SCN9A: variants seen among roughly 807,000 people sequenced by gnomAD.
SCN9A encodes sodium channel protein type 9 subunit alpha.
In SCN9A, 131 loss-of-function variants were observed where a neutral mutation model predicts 187.0. The ratio of observed to expected loss-of-function variants is 0.70; its 90% CI spans 0.61 to 0.81. The LOEUF (loss-of-function observed/expected upper bound fraction) is 0.81, where lower values mean the gene tolerates loss of function less well. SCN9A is among the 30% of genes least tolerant of loss of function. The pLI, the probability that SCN9A is intolerant of heterozygous loss-of-function variation, is 0.00. For synonymous variants in SCN9A, 809 were observed against 808.6 expected, an observed-to-expected ratio of 1.00 and a Z score of -0.01; for missense variants, 2,252 against 2,396.6, an observed-to-expected ratio of 0.94 and a Z score of 1.26.
chr2:166,209,945 TC>T (rs1253681591), intron 24 of SCN9A, among the ~76,000 whole-genome samples: 3 of 152,134 alleles, frequency 2.0e-5, no homozygotes, highest in Non-Finnish European at 4.4e-5. Context: ...GACCCAGCCA[TC>T]CCATGACTGG....
intron 18 of SCN9A, among the ~76,000 whole-genome samples, chr2:166,244,083 A>G (rs1459689169): frequency 6.6e-6 from 1 of 151,972 alleles, no homozygotes; most frequent in Non-Finnish European, 1.5e-5. Flanking sequence ...TGAATTGAAA[A>G]CCACAGGAGG....
intron 10 of SCN9A, among the ~76,000 whole-genome samples, chr2:166,287,307 G>A (rs1056363864): frequency 6.6e-6 from 1 of 151,820 alleles, no homozygotes; most frequent in Non-Finnish European, 1.5e-5. Context: ...TTATATGTAT[G>A]TATAATTTTA....
At position 166,228,832 on chromosome 2, in the gene SCN9A, A is replaced by G. The variant is rs765895310; in HGVS notation, c.4065T>C (p.Asp1355=). The G allele has an allele frequency of 1.2e-6, 2 of 1,613,982 alleles. No individual in the cohort carries two copies. Among genetic ancestry groups the G allele is most frequent in the East Asian group, 4.5e-5 (2 of 44,872 alleles). ...GKFYECINTT[D]GSRFPASQVP... is the part of the protein sequence containing the mutation. ...CTTGACTTGCAGGAAACCGTGACCCATCTGTGGTGTTAATACACTCATAGA... is the reference window on the plus strand; with the variant it reads ...CTTGACTTGCAGGAAACCGTGACCCGTCTGTGGTGTTAATACACTCATAGA... Residue 1355 remains aspartate, a synonymous_variant, in exon 22 of 27, where the codon GAT becomes GAC. Coordinates refer to ENST00000642356, the MANE Select transcript of SCN9A (RefSeq NM_001365536.1).
chr2:166,267,625 A>C (rs1042327405), intron 17 of SCN9A, among the ~76,000 whole-genome samples: 3 of 151,916 alleles, frequency 2.0e-5, no homozygotes, highest in African/African-American at 7.2e-5. Flanking sequence ...ATAATTTAAG[A>C]AGAATTAGTA....
intron 1 of SCN9A, among the ~76,000 whole-genome samples, chr2:166,349,159 A>G (rs553396451): frequency 6.7e-6 from 1 of 149,630 alleles, no homozygotes; most frequent in Non-Finnish European, 1.5e-5. Flanking sequence ...ACAAACAAAA[A>G]ACTCCTCTCA....
intron 24 of SCN9A, among the ~76,000 whole-genome samples, chr2:166,207,320 AT>A (rs1162897308): frequency 6.6e-6 from 1 of 151,352 alleles, no homozygotes; most frequent in South Asian, 2.1e-4. Context: ...TTATTTACTT[AT>A]TTTTTTAATT....
At chr2:166,354,495 C>G (rs1052643547) in intron 1 of SCN9A, among the ~76,000 whole-genome samples, 3 of 152,052 alleles carry the variant, frequency 2.0e-5, no homozygotes, top group Non-Finnish European at 4.4e-5. Flanking sequence ...AAGTTCACAG[C>G]AGAACTTAAA....
intron 7 of SCN9A, among the ~76,000 whole-genome samples, chr2:166,300,375 C>T (rs1297495046): frequency 6.6e-6 from 1 of 150,836 alleles, no homozygotes; most frequent in Non-Finnish European, 1.5e-5. Flanking sequence ...GACTCACACC[C>T]ACACTTAAAC....
chr2:166,219,928 A>G (rs929348051), intron 24 of SCN9A, among the ~76,000 whole-genome samples: 9 of 152,210 alleles, frequency 5.9e-5, no homozygotes, highest in African/African-American at 1.9e-4. Flanking sequence ...ATAAATAAGC[A>G]CAATTTTTGT....
chr2:166,301,374 C>G (rs902008254), intron 7 of SCN9A: 1 of 150,796 alleles, frequency 6.6e-6, no homozygotes, highest in African/African-American at 2.5e-5. Flanking sequence ...AGGCAAATGT[C>G]AAGCTATAAG....
At chr2:166,334,557 A>T (rs189523541) in intron 1 of SCN9A, among the ~76,000 whole-genome samples, 1 of 152,232 alleles carries the variant, frequency 6.6e-6, no homozygotes, top group East Asian at 1.9e-4. Flanking sequence ...CTGAAGACTC[A>T]TCTGGAAGGC....
intron 2 of SCN9A, among the ~76,000 whole-genome samples, chr2:166,308,142 G>A (rs997430243): frequency 2.6e-5 from 4 of 152,116 alleles, no homozygotes; most frequent in Admixed American, 2.0e-4. Context: ...ACAATTTAAT[G>A]TAAAATTCAC....
chr2:166,272,861 A>G lies in SCN9A; in HGVS notation c.2889T>C (p.Phe963=). ...VIGNLVVLNL[F]LALLLSSFSS... is the part of the protein sequence containing the mutation. Reference sequence around the variant, plus strand: ...TAAATGAGCTCAATAATAAGGCCAGAAATAGGTTTAGGACCTATATCAGGG... The same window carrying G: ...TAAATGAGCTCAATAATAAGGCCAGGAATAGGTTTAGGACCTATATCAGGG... The change falls in exon 17 of 27, where the codon TTT becomes TTC. Residue 963 remains phenylalanine (F), a synonymous_variant. Coordinates refer to ENST00000642356, the MANE Select transcript of SCN9A (RefSeq NM_001365536.1). 1 of 1,496,376 alleles carries G rather than the reference A, an allele frequency of 6.7e-7. No individual in the cohort carries two copies. Among genetic ancestry groups the G allele is most frequent in the African/African-American group, 1.4e-5 (1 of 71,452 alleles). The allele number at this position is 1,496,376 out of a possible 1,614,324, so 92.7% of individuals were successfully genotyped here. A position where few individuals can be genotyped will look rare whatever the true frequency, so the allele number is the denominator to read the frequency against.
chr2:166,237,478 G>A (rs1386840696), intron 20 of SCN9A, among the ~76,000 whole-genome samples: 1 of 151,994 alleles, frequency 6.6e-6, no homozygotes, highest in Non-Finnish European at 1.5e-5. Flanking sequence ...CTGCCATTCT[G>A]GAGATGAAGG....
At chr2:166,244,442 A>G (rs1695700907) in intron 18 of SCN9A, among the ~76,000 whole-genome samples, 1 of 152,072 alleles carries the variant, frequency 6.6e-6, no homozygotes, top group South Asian at 2.1e-4. Flanking sequence ...AGCCATTATT[A>G]AATATTTGAC....
In SCN9A at chr2:166,302,934, A is replaced by C. The variant is rs543302057; in HGVS notation, c.901+156T>G. Reference sequence around the variant, plus strand: ...CTTAGAACCAGGATGATTTATGAAAATCATATATAACATGACCCAAATTCA... The same window carrying C: ...CTTAGAACCAGGATGATTTATGAAACTCATATATAACATGACCCAAATTCA... On this transcript the variant is annotated intron_variant, in intron 7 of 26. Coordinates refer to ENST00000642356, the MANE Select transcript of SCN9A (RefSeq NM_001365536.1). The C allele has an allele frequency of 1.9e-4, 115 of 612,634 alleles. 1 individual carries two copies. The highest frequency in any genetic ancestry group is 1.4e-4 in the Non-Finnish European group (52 of 361,346). The allele number at this position is 612,634 out of a possible 1,614,324, so 37.9% of individuals were successfully genotyped here.
At chr2:166,370,217 A>ATCATCATCATCATC (rs1553507690) in intron 1 of SCN9A, among the ~76,000 whole-genome samples, 11 of 77,986 alleles carry the variant, frequency 1.4e-4, no homozygotes, top group African/African-American at 3.8e-4. Context: ...TAATAATAAT[A>ATCATCATCATCATC]ATAATAATAA....
intron 17 of SCN9A, among the ~76,000 whole-genome samples, chr2:166,265,920 C>A (rs972400562): frequency 2.6e-5 from 4 of 151,138 alleles, no homozygotes; most frequent in Admixed American, 6.6e-5. Context: ...TTTTTTTTGT[C>A]GTTGTTGAGT....
chr2:166,271,702 A>T (rs928635007), intron 17 of SCN9A, among the ~76,000 whole-genome samples: 5 of 151,758 alleles, frequency 3.3e-5, no homozygotes, highest in African/African-American at 7.3e-5. Context: ...AAACTTTTTT[A>T]AAAAAATTAG....
Sources: gnomAD v4.1 joint callset for allele counts (sites outside exome capture counted in the v4.1 genomes callset) on GRCh38, gnomAD v4.1.1 for gene constraint, MANE v1.5 for transcripts, NCBI Gene and HGNC (gene_info 2026-07-23, HGNC 2026-07-21) for gene names.